Variants in RANBP2 observed in about 807,000 individuals in gnomAD.
The protein encoded by RANBP2 is RAN binding protein 2.
Under a neutral mutation model 303.6 loss-of-function variants are expected in RANBP2, and 57 were observed. The observed-to-expected ratio is 0.19, with a 90% CI of 0.15 to 0.23. The LOEUF is 0.23. Ranked by LOEUF, RANBP2 falls within the 10% of genes least tolerant of loss-of-function variation. The pLI, the probability that RANBP2 is intolerant of heterozygous loss-of-function variation, is 1.00. For missense variants in RANBP2, 3,138 were observed against 3,780.8 expected (o/e 0.83, Z 4.46); for synonymous variants, 1,167 against 1,301.5 (o/e 0.90, Z 2.23).
At chr2:109,532,105 C>T in the RANBP2 span, among the ~76,000 whole-genome samples, 1 of 152,172 alleles carries the variant, frequency 6.6e-6, no homozygotes, top group South Asian at 2.1e-4. Flanking sequence ...CATGTGGGAG[C>T]CACCAAAGGA....
the RANBP2 span, among the ~76,000 whole-genome samples, chr2:109,674,247 C>G: frequency 3.1e-3 from 474 of 151,786 alleles, 1 homozygote; most frequent in Non-Finnish European, 2.9e-3. Flanking sequence ...CAACCCCCCC[C>G]CAAAATGAAG....
At chr2:108,734,090 G>A (rs1695381790) in intron 4 of RANBP2, among the ~76,000 whole-genome samples, 1 of 151,980 alleles carries the variant, frequency 6.6e-6, no homozygotes, top group African/African-American at 2.4e-5. Flanking sequence ...TTGCAATAGG[G>A]AGAGGCCAGG....
chr2:109,134,167 G>T, the RANBP2 span, among the ~76,000 whole-genome samples: 1 of 152,158 alleles, frequency 6.6e-6, no homozygotes, highest in Admixed American at 6.5e-5. Context: ...CAAGTGGCTG[G>T]TATAATTATT....
the RANBP2 span, chr2:109,347,971 G>C: frequency 1.3e-6 from 2 of 1,574,270 alleles, no homozygotes; most frequent in East Asian, 2.3e-5. Context: ...CCCGGGGTGG[G>C]CCCCGCCAGC....
At chr2:109,258,011 C>G in the RANBP2 span, among the ~76,000 whole-genome samples, 1 of 152,008 alleles carries the variant, frequency 6.6e-6, no homozygotes, top group Non-Finnish European at 1.5e-5. Context: ...CACATACCCA[C>G]ATACCTGTGC....
At chr2:109,541,415 G>A in the RANBP2 span, among the ~76,000 whole-genome samples, 1 of 152,190 alleles carries the variant, frequency 6.6e-6, no homozygotes, top group Admixed American at 6.5e-5. Context: ...ACACTCCTTA[G>A]GTGAGTCTAT....
At chr2:108,911,136 G>T in the RANBP2 span, 3 of 1,604,610 alleles carry the variant, frequency 1.9e-6, no homozygotes, top group East Asian at 6.7e-5. Flanking sequence ...TTCCCTCCAG[G>T]ACTCCGGCCC....
At chr2:109,342,505 G>A in the RANBP2 span, among the ~76,000 whole-genome samples, 3 of 152,336 alleles carry the variant, frequency 2.0e-5, no homozygotes, top group African/African-American at 2.4e-5. Context: ...GCCGTGACAA[G>A]TGCTCTCCTT....
chr2:109,346,629 T>C, the RANBP2 span, among the ~76,000 whole-genome samples: 4 of 151,440 alleles, frequency 2.6e-5, no homozygotes, highest in Admixed American at 6.6e-5. Context: ...ATGGACTTGA[T>C]GAGACAGGGC....
chr2:109,177,497 G>A, the RANBP2 span, among the ~76,000 whole-genome samples: 2 of 152,088 alleles, frequency 1.3e-5, no homozygotes, highest in African/African-American at 2.4e-5. Flanking sequence ...CCTTGGAACT[G>A]TGTGTGAAGC....
the RANBP2 span, chr2:108,923,394 A>G: frequency 6.2e-7 from 1 of 1,614,230 alleles, no homozygotes; most frequent in South Asian, 1.1e-5. Flanking sequence ...GGGTGCCAGG[A>G]GGCAGGAGTA....
the RANBP2 span, among the ~76,000 whole-genome samples, chr2:108,944,965 G>A: frequency 6.6e-6 from 1 of 152,170 alleles, no homozygotes; most frequent in African/African-American, 2.4e-5. Context: ...GTTTCCCGTG[G>A]TGCAAAGGGC....
chr2:108,926,127 G>A, the RANBP2 span, among the ~76,000 whole-genome samples: 56 of 152,298 alleles, frequency 3.7e-4, no homozygotes, highest in African/African-American at 1.3e-3. Flanking sequence ...CTCATCCTGG[G>A]CTGCACAGCA....
chr2:108,861,633 G>A, the RANBP2 span, among the ~76,000 whole-genome samples: 7 of 151,770 alleles, frequency 4.6e-5, no homozygotes, highest in East Asian at 9.7e-4. Context: ...GGTGCACACC[G>A]CCACACCTAG....
the RANBP2 span, among the ~76,000 whole-genome samples, chr2:109,693,241 G>A: frequency 1.5e-3 from 229 of 152,152 alleles, 4 homozygotes; most frequent in African/African-American, 5.1e-3. Context: ...GCAGTGGCAC[G>A]ATCTCAGTTC....
chr2:108,748,855 GAC>G, intron 8 of RANBP2, 63 bp from the exon 9 acceptor site: 23 of 1,611,606 alleles, frequency 1.4e-5, no homozygotes, highest in Non-Finnish European at 1.9e-5. Context: ...ATACAAATGA[GAC>G]AACGTGAGCA....
In RANBP2 at chr2:108,740,480, A is replaced by T; in HGVS notation, c.783-9A>T. The T allele has an allele frequency of 6.3e-7, 1 of 1,597,558 alleles. No individual in the cohort carries two copies. The highest frequency in any genetic ancestry group is 1.1e-5 in the South Asian group (1 of 90,990). On this transcript the variant is annotated splice_polypyrimidine_tract_variant and intron_variant, in intron 6 of 28. Coordinates refer to ENST00000283195, the MANE Select transcript of RANBP2 (RefSeq NM_006267.5). ...TGTGTATTATCTGTTTGATATTTTC[A>T]TATTACAGTTTTGATAGTGCTCTTC...
the RANBP2 span, among the ~76,000 whole-genome samples, chr2:109,397,701 C>T: frequency 6.6e-6 from 1 of 152,204 alleles, no homozygotes; most frequent in Non-Finnish European, 1.5e-5. Context: ...AATTCACGGA[C>T]CTTCCCCCAG....
At chr2:108,946,894 A>AT in the RANBP2 span, among the ~76,000 whole-genome samples, 44,324 of 151,476 alleles carry the variant, frequency 0.29, 10,247 homozygotes, top group East Asian at 0.93. Flanking sequence ...CCCAAATCTC[A>AT]TCTTTTTTTT....
Sources: allele counts gnomAD v4.1 joint callset (sites outside exome capture counted in the v4.1 genomes callset), GRCh38; gene constraint gnomAD v4.1.1; transcripts MANE v1.5; gene names NCBI Gene and HGNC (gene_info 2026-07-23, HGNC 2026-07-21).